CCBE1: variants seen among roughly 807,000 people sequenced by gnomAD.
CCBE1 encodes collagen and calcium-binding EGF domain-containing protein 1.
In CCBE1, 37 loss-of-function variants were observed where a neutral mutation model predicts 50.0. That is an observed-to-expected ratio of 0.74 (90% CI 0.57 to 0.97). The LOEUF (loss-of-function observed/expected upper bound fraction) is 0.97, where lower values mean the gene tolerates loss of function less well. CCBE1 is among the 50% of genes least tolerant of loss of function. The probability of loss-of-function intolerance (pLI) is 0.00; values close to 1 mark genes in which losing one functional copy is unlikely to be tolerated. For missense variants in CCBE1, 538 were observed against 523.8 expected, an observed-to-expected ratio of 1.03 and a Z score of -0.26; for synonymous variants, 234 against 203.7, an observed-to-expected ratio of 1.15 and a Z score of -1.27.
chr18:59,657,751 G>A (rs899545625), intron 2 of CCBE1, among the ~76,000 whole-genome samples: 11 of 152,160 alleles, frequency 7.2e-5, no homozygotes, highest in African/African-American at 1.4e-4. Context: ...TTAGCCGGGC[G>A]TGGTGGCACA....
chr18:59,603,936 G>C (rs994498388), intron 2 of CCBE1, among the ~76,000 whole-genome samples: 5 of 152,200 alleles, frequency 3.3e-5, no homozygotes, highest in Admixed American at 1.3e-4. Context: ...ATATCCAAAA[G>C]GGATGCCTTT....
intron 2 of CCBE1, among the ~76,000 whole-genome samples, chr18:59,650,812 G>A (rs1303594035): frequency 6.6e-6 from 1 of 151,470 alleles, no homozygotes; most frequent in African/African-American, 2.4e-5. Flanking sequence ...TGGGCAAGGG[G>A]CTCTGAAGTT....
chr18:59,533,761 G>A (rs879729716), intron 2 of CCBE1, among the ~76,000 whole-genome samples: 7 of 152,070 alleles, frequency 4.6e-5, no homozygotes, highest in Non-Finnish European at 1.0e-4. Flanking sequence ...TCTTTAAATT[G>A]TTTTGCTTAT....
intron 2 of CCBE1, among the ~76,000 whole-genome samples, chr18:59,609,841 C>G (rs1189786799): frequency 6.6e-6 from 1 of 152,178 alleles, no homozygotes; most frequent in African/African-American, 2.4e-5. Flanking sequence ...CCAGTTATTT[C>G]AAGATGATTG....
At chr18:59,642,069 T>G (rs938731777) in intron 2 of CCBE1, among the ~76,000 whole-genome samples, 1 of 152,076 alleles carries the variant, frequency 6.6e-6, no homozygotes, top group African/African-American at 2.4e-5. Context: ...AAAATTCAAA[T>G]TTTTTTCATC....
chr18:59,654,918 C>T (rs2054168618), intron 2 of CCBE1, among the ~76,000 whole-genome samples: 1 of 151,322 alleles, frequency 6.6e-6, no homozygotes. Flanking sequence ...GCCTGGCCAA[C>T]ATGGCAAAAA....
chr18:59,667,517 G>A (rs1190430651), intron 2 of CCBE1, among the ~76,000 whole-genome samples: 3 of 152,096 alleles, frequency 2.0e-5, no homozygotes, highest in East Asian at 1.9e-4. Flanking sequence ...GGAAAGAGCC[G>A]GTGCAGGAAG....
intron 2 of CCBE1, among the ~76,000 whole-genome samples, chr18:59,511,721 A>G (rs919240962): frequency 6.6e-6 from 1 of 152,178 alleles, no homozygotes; most frequent in Non-Finnish European, 1.5e-5. Flanking sequence ...CTAACTGCAT[A>G]TTTGTAACCA....
intron 2 of CCBE1, among the ~76,000 whole-genome samples, chr18:59,600,676 G>A (rs2053416564): frequency 6.6e-6 from 1 of 152,136 alleles, no homozygotes; most frequent in African/African-American, 2.4e-5. Flanking sequence ...CAAAGACAGT[G>A]GCTTCATAGC....
intron 2 of CCBE1, among the ~76,000 whole-genome samples, chr18:59,638,727 C>T (rs2053946170): frequency 6.6e-6 from 1 of 152,090 alleles, no homozygotes; most frequent in African/African-American, 2.4e-5. Context: ...CACACATAGC[C>T]CAGATCTTAA....
intron 2 of CCBE1, among the ~76,000 whole-genome samples, chr18:59,535,871 T>C (rs900878638): frequency 6.6e-6 from 1 of 152,194 alleles, no homozygotes; most frequent in Non-Finnish European, 1.5e-5. Flanking sequence ...TACTCTTTTT[T>C]TCCTAAGGAA....
chr18:59,435,838 T>C lies in CCBE1; in HGVS notation c.*70A>G, dbSNP rs771950874. ...TTTCTAGGTCTCCAGTGGTCTTTCT[T>C]CTCTTTAGATGGTTTAACTGCAGGT... On this transcript the variant is annotated 3_prime_UTR_variant, in exon 11 of 11. Transcript: ENST00000439986. The C allele has an allele frequency of 7.7e-5, 106 of 1,371,596 alleles. No individual in the cohort carries two copies. The highest frequency in any genetic ancestry group is 1.1e-4 in the Non-Finnish European group (104 of 959,064). The allele number at this position is 1,371,596 out of a possible 1,614,324, so 85.0% of individuals were successfully genotyped here.
At chr18:59,487,798 A>G (rs1201409050) in intron 2 of CCBE1, among the ~76,000 whole-genome samples, 1 of 152,238 alleles carries the variant, frequency 6.6e-6, no homozygotes, top group Non-Finnish European at 1.5e-5. Flanking sequence ...CACCTGAAAA[A>G]AATTAAACAT....
rs536442282 is a variant in CCBE1 at position 59,587,359 on chromosome 18, T to G, written c.213-107121A>C. Among the ~76,000 whole-genome samples the G allele has an allele frequency of 5.9e-5, 9 of 152,304 alleles. No homozygotes were observed. The East Asian group carries it at 1.5e-3, about 26-fold the overall frequency. On this transcript the variant is annotated intron_variant, in intron 2 of 10. Coordinates refer to ENST00000439986, the MANE Select transcript of CCBE1 (RefSeq NM_133459.4). ...CACTGAAAACAATAAAAAGGACTTG[T>G]CACCTCAACAGACTGCAGAAGAAAA...
intron 2 of CCBE1, among the ~76,000 whole-genome samples, chr18:59,544,136 G>T (rs1915592122): frequency 6.6e-6 from 1 of 152,136 alleles, no homozygotes; most frequent in Non-Finnish European, 1.5e-5. Context: ...TCTATCAGAA[G>T]ATAACAAATA....
intron 2 of CCBE1, among the ~76,000 whole-genome samples, chr18:59,596,254 A>G (rs1233611874): frequency 6.6e-6 from 1 of 152,142 alleles, no homozygotes; most frequent in Non-Finnish European, 1.5e-5. Flanking sequence ...AGCTGCTTGG[A>G]CGTAAAGTAC....
chr18:59,677,341 C>T (rs1264282362), intron 2 of CCBE1, among the ~76,000 whole-genome samples: 1 of 152,122 alleles, frequency 6.6e-6, no homozygotes, highest in East Asian at 1.9e-4. Flanking sequence ...GCATTCAGAC[C>T]ACAAGCTAGA....
At chr18:59,556,694 A>G (rs1014480) in intron 2 of CCBE1, among the ~76,000 whole-genome samples, 96,870 of 151,910 alleles carry the variant, frequency 0.64, 31,225 homozygotes, top group African/African-American at 0.69. Context: ...AATTATTTGG[A>G]AAAAAAATCA....
chr18:59,441,455 G>C (rs1243192701), intron 7 of CCBE1, among the ~76,000 whole-genome samples: 3 of 148,096 alleles, frequency 2.0e-5, no homozygotes, highest in African/African-American at 7.5e-5. Context: ...CTGCAGTCCA[G>C]CCTGGGTGAC....
Sources: allele counts gnomAD v4.1 joint callset (sites outside exome capture counted in the v4.1 genomes callset), GRCh38; gene constraint gnomAD v4.1.1; transcripts MANE v1.5; gene names NCBI Gene and HGNC (gene_info 2026-07-23, HGNC 2026-07-21).